Variants in CNTLN observed in about 807,000 individuals in gnomAD.
CNTLN encodes centlein, also known as centlein, centrosomal protein.
In CNTLN, 212 loss-of-function variants were observed where a neutral mutation model predicts 180.0. That is an observed-to-expected ratio of 1.18 (90% CI 1.05 to 1.32). The LOEUF (loss-of-function observed/expected upper bound fraction) is 1.32. Among genes scored for constraint, CNTLN ranks in the 40% most tolerant of loss-of-function variants. The pLI, the probability that CNTLN is intolerant of heterozygous loss-of-function variation, is 0.00. For synonymous variants in CNTLN, 722 were observed against 563.1 expected (o/e 1.28, Z -3.99); for missense variants, 2,095 against 1,610.9 (o/e 1.30, Z -5.14).
At chr9:17,438,961 G>A (rs1418409650) in intron 18 of CNTLN, among the ~76,000 whole-genome samples, 1 of 152,188 alleles carries the variant, frequency 6.6e-6, no homozygotes, top group East Asian at 1.9e-4. Flanking sequence ...AATGGTTAAA[G>A]TATATCAAGA....
At chr9:17,158,363 G>A (rs1819446679) in intron 2 of CNTLN, among the ~76,000 whole-genome samples, 1 of 152,014 alleles carries the variant, frequency 6.6e-6, no homozygotes, top group African/African-American at 2.4e-5. Flanking sequence ...TTCTTGTAAT[G>A]TCTTTGCTTT....
At chr9:17,261,922 A>G (rs1180676015) in intron 5 of CNTLN, among the ~76,000 whole-genome samples, 1 of 151,690 alleles carries the variant, frequency 6.6e-6, no homozygotes, top group African/African-American at 2.4e-5. Flanking sequence ...AAGGACATGA[A>G]CAGACACTTC....
chr9:17,294,661 C>G (rs1437619840), intron 6 of CNTLN, among the ~76,000 whole-genome samples: 2 of 148,866 alleles, frequency 1.3e-5, no homozygotes, highest in African/African-American at 5.0e-5. Flanking sequence ...AGCTGCCTGC[C>G]AGTCCCGTGC....
intron 12 of CNTLN, among the ~76,000 whole-genome samples, chr9:17,349,542 A>T (rs1822189680): frequency 6.6e-6 from 1 of 152,192 alleles, no homozygotes; most frequent in South Asian, 2.1e-4. Flanking sequence ...CAATTTACAA[A>T]ATATAGTTAA....
At chr9:17,312,266 G>A (rs1424110509) in intron 8 of CNTLN, among the ~76,000 whole-genome samples, 1 of 148,172 alleles carries the variant, frequency 6.7e-6, no homozygotes, top group East Asian at 1.9e-4. Flanking sequence ...GTGTATGTGT[G>A]TTTCCTGTTT....
At chr9:17,263,585 A>G (rs1472207090) in intron 5 of CNTLN, among the ~76,000 whole-genome samples, 7 of 150,346 alleles carry the variant, frequency 4.7e-5, no homozygotes, top group African/African-American at 2.5e-5. Context: ...GTCAAATGGT[A>G]TTTCTAGTTC....
At chr9:17,270,199 T>A (rs1827831195) in intron 5 of CNTLN, among the ~76,000 whole-genome samples, 1 of 152,144 alleles carries the variant, frequency 6.6e-6, no homozygotes, top group Non-Finnish European at 1.5e-5. Flanking sequence ...ACCAGTTTGT[T>A]CTTGATTTTT....
chr9:17,187,404 A>C (rs1270851375), intron 2 of CNTLN, among the ~76,000 whole-genome samples: 1 of 152,014 alleles, frequency 6.6e-6, no homozygotes, highest in Non-Finnish European at 1.5e-5. Flanking sequence ...TGAGAAAATG[A>C]GAGTGTCAGA....
chr9:17,164,822 T>G (rs1819951373), intron 2 of CNTLN, among the ~76,000 whole-genome samples: 1 of 150,956 alleles, frequency 6.6e-6, no homozygotes, highest in South Asian at 2.1e-4. Flanking sequence ...ACATTTTTCT[T>G]TTTTTTTCTT....
chr9:17,346,262 C>G (rs1188909885), intron 12 of CNTLN, among the ~76,000 whole-genome samples: 3 of 152,036 alleles, frequency 2.0e-5, no homozygotes, highest in African/African-American at 7.2e-5. Context: ...TGAGATCTCA[C>G]TAGCATGAGA....
chr9:17,350,258 A>T (rs931938948), intron 12 of CNTLN, among the ~76,000 whole-genome samples: 9 of 152,212 alleles, frequency 5.9e-5, no homozygotes, highest in African/African-American at 2.2e-4. Context: ...TTTGCTAGGA[A>T]TCCTGGGTGT....
intron 2 of CNTLN, among the ~76,000 whole-genome samples, chr9:17,213,409 T>G (rs879675998): frequency 1.3e-5 from 2 of 152,256 alleles, no homozygotes; most frequent in Non-Finnish European, 2.9e-5. Context: ...GATTGCACTG[T>G]GGTCTGAGAG....
At position 17,464,406 on chromosome 9, in the gene CNTLN, A is replaced by T; in HGVS notation, c.3405-91A>T. ...CAATATCACGTAGCATTTAAAAAGT[A>T]ACAGTAGGTATAATATTGGATAAAA... is the stretch of plus-strand genomic sequence containing the variant. On this transcript the variant is annotated intron_variant, in intron 20 of 25. Coordinates refer to ENST00000380647, the MANE Select transcript of CNTLN (RefSeq NM_017738.4). 8.2e-6 allele frequency: 9 copies of T among 1,092,540 alleles called. No individual in the cohort carries two copies. In the South Asian group the frequency reaches 1.4e-4, roughly 17 times the overall value. 67.7% of individuals were successfully genotyped at this position (1,092,540 alleles called of 1,614,324 possible). A position where few individuals can be genotyped will look rare whatever the true frequency, so the allele number is the denominator to read the frequency against.
At chr9:17,451,072 A>AGTGTGAAGTGATTGT (rs1830751328) in intron 18 of CNTLN, among the ~76,000 whole-genome samples, 1 of 152,122 alleles carries the variant, frequency 6.6e-6, no homozygotes, top group Non-Finnish European at 1.5e-5. Context: ...TTAGTCCTAT[A>AGTGTGAAGTGATTGT]CCTGGACAGC....
chr9:17,202,620 T>A (rs1268465146), intron 2 of CNTLN, among the ~76,000 whole-genome samples: 1 of 150,648 alleles, frequency 6.6e-6, no homozygotes, highest in Non-Finnish European at 1.5e-5. Flanking sequence ...AAGTCTGTTT[T>A]ATCAGAGCCT....
At chr9:17,212,823 T>C (rs1184519099) in intron 2 of CNTLN, among the ~76,000 whole-genome samples, 2 of 152,214 alleles carry the variant, frequency 1.3e-5, no homozygotes, top group African/African-American at 4.8e-5. Context: ...TTCTTCTAGA[T>C]TTTCTAGTTT....
intron 2 of CNTLN, among the ~76,000 whole-genome samples, chr9:17,185,472 TTTAA>T (rs1821371022): frequency 6.6e-6 from 1 of 152,238 alleles, no homozygotes. Flanking sequence ...ACGTTTTCTT[TTTAA>T]TTGTCATTTG....
chr9:17,409,610 T>C (rs1361307741), intron 16 of CNTLN, 137 bp downstream of exon 16: 1 of 602,702 alleles, frequency 1.7e-6, no homozygotes, highest in East Asian at 3.2e-5. Flanking sequence ...ACAGTGAAAA[T>C]ATTCACTTTT....
the CNTLN span, among the ~76,000 whole-genome samples, chr9:17,516,975 G>A: frequency 6.6e-6 from 1 of 152,162 alleles, no homozygotes; most frequent in Non-Finnish European, 1.5e-5. Flanking sequence ...CCATCTCCTG[G>A]AATGCAGTGG....
Sources: allele counts gnomAD v4.1 joint callset (sites outside exome capture counted in the v4.1 genomes callset), GRCh38; gene constraint gnomAD v4.1.1; transcripts MANE v1.5; gene names NCBI Gene and HGNC (gene_info 2026-07-23, HGNC 2026-07-21).